CFAP410: variants seen among roughly 807,000 people sequenced by gnomAD.
CFAP410 encodes the protein cilia and flagella associated protein 410.
In CFAP410, 27 loss-of-function variants were observed where a neutral mutation model predicts 25.7. That is an observed-to-expected ratio of 1.05 (90% confidence interval 0.77 to 1.45). The LOEUF (loss-of-function observed/expected upper bound fraction) is 1.45, where lower values mean the gene tolerates loss of function less well. CFAP410 is among the 40% of genes most tolerant of loss of function. The pLI is 0.00. For missense variants in CFAP410, 428 were observed against 354.1 expected, an observed-to-expected ratio of 1.21 and a Z score of -1.67; for synonymous variants, 178 against 158.4, an observed-to-expected ratio of 1.12 and a Z score of -0.93.
chr21:44,335,719 C>T (rs1232357533), intron 3 of CFAP410, 39 bp downstream of exon 3: 1 of 1,546,438 alleles, frequency 6.5e-7, no homozygotes, highest in Non-Finnish European at 8.8e-7. Flanking sequence ...GCCCCGGCTT[C>T]CAGGCCCCAG....
intron 1 of CFAP410, among the ~76,000 whole-genome samples, 173 bp downstream of exon 1, chr21:44,338,945 G>A (rs2047811856): frequency 1.2e-5 from 1 of 81,602 alleles, no homozygotes; most frequent in African/African-American, 5.5e-5. Flanking sequence ...CCCCGCCCCG[G>A]CTCCGCCCTC....
chr21:44,335,328 G>A (rs2047731855), intron 3 of CFAP410: 1 of 205,432 alleles, frequency 4.9e-6, no homozygotes, highest in South Asian at 8.4e-5. Flanking sequence ...AAACTGGTAG[G>A]CAGTGGTGGC....
intron 2 of CFAP410, chr21:44,336,943 A>C (rs1206969821): frequency 1.3e-5 from 2 of 152,066 alleles, no homozygotes; most frequent in African/African-American, 4.8e-5. Flanking sequence ...AAAATTAGCC[A>C]GGCATGGTGG....
chr21:44,334,560 C>A lies in CFAP410; in HGVS notation c.143+1198G>T, dbSNP rs530728785. On this transcript the variant is annotated intron_variant, in intron 3 of 6. Transcript: ENST00000339818. ...CTCAACCTCTGGGCGGGCACGCGCA[C>A]CCCTGCTCAACCTCTGGACTCGGGC... 8.7e-6 allele frequency: 3 copies of A among 343,684 alleles called. No individual in the cohort carries two copies. The Admixed American group carries it at 1.2e-4, about 14-fold the overall frequency. 21.3% of individuals were successfully genotyped at this position (343,684 alleles called of 1,614,324 possible).
rs2146054184 is a variant in CFAP410, at chr21:44,330,342, T to G, written c.643-16A>C. ...TCAGGACGTTCTGAGGGCAGAGGGG[T>G]GCGGACTAAGCCCACCCGGCACGGC... On this transcript the variant is annotated splice_polypyrimidine_tract_variant and intron_variant, in intron 6 of 6. Coordinates refer to ENST00000339818, the MANE Select transcript of CFAP410 (RefSeq NM_004928.3). 6.2e-7 allele frequency: 1 copy of G among 1,605,284 alleles called. No individual in the cohort carries two copies. The highest frequency in any genetic ancestry group is 8.5e-7 in the Non-Finnish European group (1 of 1,174,914).
chr21:44,339,157 T>C lies in CFAP410; in HGVS notation c.38A>G (p.Lys13Arg), dbSNP rs1407463875. 6.8e-7 allele frequency: 1 copy of C among 1,473,180 alleles called. No homozygotes were observed. Among genetic ancestry groups the C allele is most frequent in the South Asian group, 1.3e-5 (1 of 76,366 alleles). 91.3% of individuals were successfully genotyped at this position (1,473,180 alleles called of 1,614,324 possible). ...GCGCACGCTGTGCAGCTCCGAGGCC[T>C]TGGCCCGGGTCAGAACCATCTTCCG... Reference protein sequence around the residue: ...LTRKMVLTRAKASELHSVRKL... With the variant: ...LTRKMVLTRARASELHSVRKL... Residue 13 changes from lysine to arginine, a missense_variant, in exon 1 of 7, where the codon AAG becomes AGG. By Grantham distance (26) the Lys-to-Arg change is conservative. Coordinates refer to ENST00000339818, the MANE Select transcript of CFAP410 (RefSeq NM_004928.3).
At chr21:44,334,524 C>CTCAACCTCTGGGCGGGCACGCGCA (rs1568989796) in intron 3 of CFAP410, 2,452 of 30,824 alleles carry the variant, frequency 0.08, 242 homozygotes, top group African/African-American at 0.28. Context: ...CGCACCCCCC[C>CTCAACCTCTGGGCGGGCACGCGCA]CCCCCCCCCG....
chr21:44,339,113 C>T lies in CFAP410; in HGVS notation c.77+5G>A. ...CGGGGCGGCCGCGGCCAGGCCCCGC[C>T]TCACCAGCAGTTGAGCTTGCGCACG... On this transcript the variant is annotated splice_donor_5th_base_variant and intron_variant, in intron 1 of 6. Coordinates refer to ENST00000339818, the MANE Select transcript of CFAP410 (RefSeq NM_004928.3). 6.9e-7 allele frequency: 1 copy of T among 1,452,486 alleles called. No homozygotes were observed. Among genetic ancestry groups the T allele is most frequent in the Non-Finnish European group, 9.1e-7 (1 of 1,096,064 alleles). 90.0% of individuals were successfully genotyped at this position (1,452,486 alleles called of 1,614,324 possible). A position where few individuals can be genotyped will look rare whatever the true frequency, so the allele number is the denominator to read the frequency against.
chr21:44,334,253 A>G, intron 3 of CFAP410: 1 of 456,288 alleles, frequency 2.2e-6, no homozygotes, highest in Non-Finnish European at 4.4e-6. Flanking sequence ...GAGATGTGAC[A>G]GAAATGGCCC....
Position 44,330,867 on chromosome 21 carries a change from G to GA in CFAP410, c.597dup (p.Pro200SerfsTer110). The stretch of plus-strand genomic sequence containing the variant: ...GAGGCATCCCTGGCTGAGAGGGAAG[G>GA]AAACTGGCCCCGGGAAGGCGGCTTC... On this transcript the variant is annotated frameshift_variant, in exon 6 of 7. Coordinates refer to ENST00000339818, the MANE Select transcript of CFAP410 (RefSeq NM_004928.3). LOFTEE classifies it low-confidence loss of function (END_TRUNC). 6.2e-7 allele frequency: 1 copy of GA among 1,605,476 alleles called. No individual in the cohort carries two copies. Among genetic ancestry groups the GA allele is most frequent in the Non-Finnish European group, 8.5e-7 (1 of 1,175,090 alleles).
intron 1 of CFAP410, chr21:44,338,672 C>G (rs2047800252): frequency 6.0e-6 from 1 of 167,536 alleles, no homozygotes; most frequent in South Asian, 1.1e-4. Flanking sequence ...TGGGGGGGGG[C>G]CCAGGCGACC....
At chr21:44,338,251 C>A in intron 1 of CFAP410, 2 of 1,264,604 alleles carry the variant, frequency 1.6e-6, no homozygotes, top group Non-Finnish European at 2.1e-6. Context: ...AGTCTGCGGA[C>A]ACCCCTGGGA....
At chr21:44,332,856 G>A (rs1272756999) in intron 4 of CFAP410, 177 bp downstream of exon 4, 9 of 607,378 alleles carry the variant, frequency 1.5e-5, no homozygotes, top group African/African-American at 3.7e-5. Flanking sequence ...TTCGGGTGGC[G>A]GGATCAAGAG....
At chr21:44,335,614 C>T (rs926431901) in intron 3 of CFAP410, 144 bp downstream of exon 3, 69 of 672,736 alleles carry the variant, frequency 1.0e-4, no homozygotes, top group Middle Eastern at 3.9e-4. Flanking sequence ...CTCGCTGTCC[C>T]GGCCCCTCCC....
chr21:44,338,523 C>A, intron 1 of CFAP410: 1 of 310,012 alleles, frequency 3.2e-6, no homozygotes, highest in Non-Finnish European at 6.6e-6. Flanking sequence ...GCCCCCAGTA[C>A]TGATTACCAA....
At chr21:44,331,796 G>C (rs547610646) in intron 5 of CFAP410, 47 bp downstream of exon 5, 1 of 1,579,142 alleles carries the variant, frequency 6.3e-7, no homozygotes, top group East Asian at 2.3e-5. Flanking sequence ...GGAGGACCCT[G>C]GGGGACAGGG....
At chr21:44,331,597 G>T in intron 5 of CFAP410, 1 of 516,844 alleles carries the variant, frequency 1.9e-6, no homozygotes, top group Non-Finnish European at 3.4e-6. Flanking sequence ...CACGGGGCCT[G>T]GCTCACCCCC....
At chr21:44,332,742 A>G (rs2047675474) in intron 4 of CFAP410, 1 of 496,624 alleles carries the variant, frequency 2.0e-6, no homozygotes, top group African/African-American at 1.9e-5. Flanking sequence ...TGCTACTCAC[A>G]GAAGCAAAAG....
chr21:44,338,181 C>G (rs1451912733), intron 1 of CFAP410: 1 of 891,972 alleles, frequency 1.1e-6, no homozygotes, highest in Admixed American at 4.0e-5. Flanking sequence ...GCCAAAACAC[C>G]AGATATGCCA....
Sources: allele counts gnomAD v4.1 joint callset (sites outside exome capture counted in the v4.1 genomes callset), GRCh38; gene constraint gnomAD v4.1.1; transcripts MANE v1.5; gene names NCBI Gene and HGNC (gene_info 2026-07-23, HGNC 2026-07-21).